CADPS2: variants seen among roughly 807,000 people sequenced by gnomAD.
The protein encoded by CADPS2 is calcium dependent secretion activator 2.
A neutral mutation model predicts 172.5 loss-of-function variants in CADPS2; 93 were observed. That is an observed-to-expected ratio of 0.54 (90% CI 0.46 to 0.64). The LOEUF (loss-of-function observed/expected upper bound fraction) is 0.64, where lower values mean the gene tolerates loss of function less well. Ranked by LOEUF, CADPS2 falls within the 30% of genes least tolerant of loss-of-function variation. CADPS2 has a pLI of 0.00. For missense variants in CADPS2, 1,420 were observed against 1,565.9 expected (o/e 0.91, Z 1.57); for synonymous variants, 546 against 555.2 (o/e 0.98, Z 0.23).
intron 6 of CADPS2, among the ~76,000 whole-genome samples, chr7:122,611,689 T>C (rs1299708976): frequency 1.3e-5 from 2 of 151,914 alleles, no homozygotes; most frequent in African/African-American, 2.4e-5. Flanking sequence ...TTGAAAAAAA[T>C]TGAAGGGTCC....
At chr7:122,664,794 C>CT (rs893975159) in intron 2 of CADPS2, among the ~76,000 whole-genome samples, 1 of 151,216 alleles carries the variant, frequency 6.6e-6, no homozygotes, top group African/African-American at 2.4e-5. Context: ...ACTTTTTTTT[C>CT]TTTTTTTTGA....
chr7:122,351,012 G>A (rs963124370), intron 27 of CADPS2, among the ~76,000 whole-genome samples: 1 of 151,592 alleles, frequency 6.6e-6, no homozygotes, highest in African/African-American at 2.4e-5. Context: ...CAACGAACAA[G>A]TCACAAATAT....
intron 20 of CADPS2, among the ~76,000 whole-genome samples, chr7:122,404,653 T>C (rs2046410962): frequency 1.3e-5 from 2 of 152,178 alleles, no homozygotes; most frequent in Non-Finnish European, 2.9e-5. Context: ...CTCCAGCACC[T>C]GTTGTTTCTT....
intron 25 of CADPS2, among the ~76,000 whole-genome samples, chr7:122,366,019 A>G (rs536573602): frequency 2.0e-5 from 3 of 152,188 alleles, no homozygotes; most frequent in African/African-American, 7.2e-5. Context: ...AAAATCTTCC[A>G]CAGAAAACAC....
intron 1 of CADPS2, among the ~76,000 whole-genome samples, chr7:122,740,215 T>C (rs2092390011): frequency 6.6e-6 from 1 of 152,164 alleles, no homozygotes; most frequent in South Asian, 2.1e-4. Flanking sequence ...GATCCAGTAA[T>C]CACAGTCCTT....
At chr7:122,838,316 C>A (rs1809237658) in intron 1 of CADPS2, among the ~76,000 whole-genome samples, 1 of 152,118 alleles carries the variant, frequency 6.6e-6, no homozygotes, top group Non-Finnish European at 1.5e-5. Context: ...AACCCACAGC[C>A]AATATTATAC....
Position 122,597,049 on chromosome 7 carries a change from A to C in CADPS2, c.1224-15759T>G, listed in dbSNP as rs2071916981. Among the ~76,000 whole-genome samples, 3 of 151,924 alleles carry C rather than the reference A, an allele frequency of 2.0e-5. 1 individual carries two copies. Among genetic ancestry groups the C allele is most frequent in the Admixed American group, 6.6e-5 (1 of 15,248 alleles). On this transcript the variant is annotated intron_variant, in intron 6 of 29. Transcript: ENST00000449022. ...GAGTGAATGCCAGGCTCATTTTAAC[A>C]ACCAGCTCTTGCAGCAAATAAAAGA... is the stretch of plus-strand genomic sequence containing the variant.
chr7:122,879,888 T>G (rs557710390), intron 1 of CADPS2, among the ~76,000 whole-genome samples: 1 of 152,168 alleles, frequency 6.6e-6, no homozygotes, highest in East Asian at 1.9e-4. Flanking sequence ...TTGAGGAAAA[T>G]AGAAGCTTTT....
chr7:122,525,517 G>T lies in CADPS2; in HGVS notation c.1476-12202C>A, dbSNP rs2061158603. Among the ~76,000 whole-genome samples, 3 of 152,072 alleles carry T rather than the reference G, an allele frequency of 2.0e-5. No individual in the cohort carries two copies. In the South Asian group the frequency reaches 6.2e-4, roughly 31 times the overall value. The stretch of plus-strand genomic sequence containing the variant: ...CAAGGCTGGAGGAACTGAGCAGTAA[G>T]ATACGCTTGCTGTTAATCCAGCTCT... On this transcript the variant is annotated intron_variant, in intron 8 of 29. Coordinates refer to ENST00000449022, the MANE Select transcript of CADPS2 (RefSeq NM_017954.11).
At chr7:122,764,412 T>C (rs1010038320) in intron 1 of CADPS2, among the ~76,000 whole-genome samples, 5 of 152,108 alleles carry the variant, frequency 3.3e-5, no homozygotes, top group African/African-American at 1.2e-4. Flanking sequence ...GTTCATTAAT[T>C]TGAAAAATAT....
chr7:122,698,639 G>A (rs145550177), intron 2 of CADPS2: 102 of 1,613,974 alleles, frequency 6.3e-5, no homozygotes, highest in African/African-American at 2.1e-4. Context: ...TACTTTGATC[G>A]GCTGAAAATG....
intron 1 of CADPS2, among the ~76,000 whole-genome samples, chr7:122,830,235 T>C (rs1352157840): frequency 6.6e-6 from 1 of 151,876 alleles, no homozygotes; most frequent in East Asian, 1.9e-4. Context: ...ACCAAAGGAG[T>C]GCATGTCTGG....
intron 8 of CADPS2, among the ~76,000 whole-genome samples, chr7:122,527,953 T>TA: frequency 6.6e-6 from 1 of 152,238 alleles, no homozygotes; most frequent in East Asian, 1.9e-4. Context: ...TCTAAATGGC[T>TA]AAGTGCCAGG....
intron 1 of CADPS2, among the ~76,000 whole-genome samples, chr7:122,768,315 T>C (rs1231332078): frequency 2.6e-5 from 4 of 152,158 alleles, no homozygotes; most frequent in Admixed American, 2.0e-4. Context: ...GTTACCCACA[T>C]CAGAAATATG....
At chr7:122,566,486 T>C (rs1337157547) in intron 7 of CADPS2, among the ~76,000 whole-genome samples, 1 of 152,324 alleles carries the variant, frequency 6.6e-6, no homozygotes, top group Middle Eastern at 3.4e-3. Flanking sequence ...TGCAGCTTTA[T>C]TGACAATAGC....
chr7:122,666,071 A>G (rs1011489473), intron 2 of CADPS2, among the ~76,000 whole-genome samples: 2 of 152,222 alleles, frequency 1.3e-5, no homozygotes, highest in Non-Finnish European at 2.9e-5. Flanking sequence ...GACATTTAAC[A>G]TACATAAATT....
chr7:122,629,057 A>C (rs2076333289), intron 4 of CADPS2, among the ~76,000 whole-genome samples, 191 bp downstream of exon 4: 1 of 152,064 alleles, frequency 6.6e-6, no homozygotes, highest in African/African-American at 2.4e-5. Flanking sequence ...TGAGTACGTA[A>C]AATGAATAAT....
intron 8 of CADPS2, among the ~76,000 whole-genome samples, chr7:122,528,947 A>G (rs1186980652): frequency 9.2e-5 from 14 of 152,118 alleles, no homozygotes; most frequent in Non-Finnish European, 7.4e-5. Context: ...TTTTTGAAAA[A>G]GAAAATGTGT....
At chr7:122,547,035 G>C (rs1469826746) in intron 8 of CADPS2, among the ~76,000 whole-genome samples, 11 of 151,028 alleles carry the variant, frequency 7.3e-5, no homozygotes, top group Admixed American at 7.3e-4. Flanking sequence ...CTTTTATTTA[G>C]TCCATAAAGA....
Sources: allele counts gnomAD v4.1 joint callset (sites outside exome capture counted in the v4.1 genomes callset), GRCh38; gene constraint gnomAD v4.1.1; transcripts MANE v1.5; gene names NCBI Gene and HGNC (gene_info 2026-07-23, HGNC 2026-07-21).